The following HSPG2 variants were observed in gnomAD, a reference collection of about 807,000 sequenced individuals.
The protein encoded by HSPG2 is basement membrane-specific heparan sulfate proteoglycan core protein.
Under a neutral mutation model 526.6 loss-of-function variants are expected in HSPG2, and 278 were observed. The ratio of observed to expected loss-of-function variants is 0.53; its 90% CI spans 0.48 to 0.58. The LOEUF (loss-of-function observed/expected upper bound fraction) is 0.58. Among genes scored for constraint, HSPG2 ranks in the 20% least tolerant of loss-of-function variants. The pLI is 0.00. For missense variants in HSPG2, 5,354 were observed against 6,099.5 expected (o/e 0.88, Z 4.07); for synonymous variants, 2,465 against 2,555.4 (o/e 0.96, Z 1.07).
rs1300674081 is a variant in HSPG2 at position 21,828,482 on chromosome 1, T to A, written c.12238-56A>T. ...GGGGCCTGGGAGGCAGAGACCCAGG[T>A]GTACCAGCAGGGAGAAGAATGCAGC... On this transcript the variant is annotated intron_variant, in intron 88 of 96. Coordinates refer to ENST00000374695, the MANE Select transcript of HSPG2 (RefSeq NM_005529.7). This position sits in a 1 kb window ranked among gnomAD's most constrained non-coding sequence, Gnocchi z 6.0. The A allele has an allele frequency of 1.9e-6, 3 of 1,570,352 alleles. No homozygotes were observed. Among genetic ancestry groups the A allele is most frequent in the East Asian group, 2.2e-5 (1 of 44,564 alleles).
chr1:21,861,319 T>G (rs933265311), intron 39 of HSPG2, among the ~76,000 whole-genome samples: 4 of 152,074 alleles, frequency 2.6e-5, no homozygotes, highest in African/African-American at 9.7e-5. Context: ...GGGTGAAGAC[T>G]GTTCCATGCA....
Position 21,829,539 on chromosome 1 carries a change from T to C in HSPG2, c.11836A>G (p.Asn3946Asp). ...GSYLALPALT[N>D]THHELRLDVE... is the part of the protein sequence containing the mutation. ...TCCAGGCGTAGCTCGTGGTGTGTGTTGGTGAGGGCGGGCAGTGCCAGGTAG... is the reference window on the plus strand; with the variant it reads ...TCCAGGCGTAGCTCGTGGTGTGTGTCGGTGAGGGCGGGCAGTGCCAGGTAG... Residue 3946 changes from asparagine (N) to aspartate (D), a missense_variant, in exon 87 of 97, where the codon AAC (asparagine) becomes GAC (aspartate). Asn to Asp is a conservative substitution (Grantham distance 23). Transcript: ENST00000374695. The C allele has an allele frequency of 6.2e-7, 1 of 1,612,908 alleles. No individual in the cohort carries two copies. The highest frequency in any genetic ancestry group is 8.5e-7 in the Non-Finnish European group (1 of 1,179,748).
In HSPG2 at chr1:21,839,089, A is replaced by G. The variant is rs770388964; in HGVS notation, c.9890-4T>C. ...ACCGTGGTGGCATATGGTGGGCCTGAGTGGGGGGACACAGAGGTCAGGATT... is the reference window on the plus strand; with the variant it reads ...ACCGTGGTGGCATATGGTGGGCCTGGGTGGGGGGACACAGAGGTCAGGATT... On this transcript the variant is annotated splice_region_variant and splice_polypyrimidine_tract_variant and intron_variant, in intron 73 of 96. Coordinates refer to ENST00000374695, the MANE Select transcript of HSPG2 (RefSeq NM_005529.7). This position sits in a 1 kb window ranked among gnomAD's most constrained non-coding sequence, Gnocchi z 4.5. 3.2e-6 allele frequency: 5 copies of G among 1,575,854 alleles called. No individual in the cohort carries two copies. The highest frequency in any genetic ancestry group is 3.5e-6 in the Non-Finnish European group (4 of 1,156,316).
chr1:21,824,835 C>T lies in HSPG2; in HGVS notation c.12590-56G>A, dbSNP rs954499252. ...TGCTGCATCAGGCATCAAAATCCCC[C>T]GTCAGTTCCCCTGACCCCCACCTCC... On this transcript the variant is annotated intron_variant, in intron 91 of 96. Coordinates refer to ENST00000374695, the MANE Select transcript of HSPG2 (RefSeq NM_005529.7). The surrounding 1 kb of genome is among the most constrained non-coding windows in gnomAD (Gnocchi z 5.9). The T allele has an allele frequency of 1.5e-5, 23 of 1,496,468 alleles. No homozygotes were observed. Among genetic ancestry groups the T allele is most frequent in the African/African-American group, 1.2e-4 (9 of 72,226 alleles). The allele number at this position is 1,496,468 out of a possible 1,614,324, so 92.7% of individuals were successfully genotyped here. A position where few individuals can be genotyped will look rare whatever the true frequency, so the allele number is the denominator to read the frequency against.
chr1:21,875,779 CT>C, intron 24 of HSPG2, 32 bp from the exon 25 acceptor site: 3 of 1,606,522 alleles, frequency 1.9e-6, no homozygotes, highest in Non-Finnish European at 2.5e-6. Flanking sequence ...TGCTCAGCCC[CT>C]GACGTCCTGG....
chr1:21,897,524 C>G (rs1320393506), intron 1 of HSPG2, among the ~76,000 whole-genome samples: 1 of 152,168 alleles, frequency 6.6e-6, no homozygotes, highest in Admixed American at 6.5e-5. Flanking sequence ...CCCTTCCTCT[C>G]TTTGTTTCTC....
At chr1:21,908,452 G>A (rs968683920) in intron 1 of HSPG2, 4 of 855,792 alleles carry the variant, frequency 4.7e-6, no homozygotes, top group Non-Finnish European at 8.0e-6. Flanking sequence ...AAAGAGAGAA[G>A]CCAAAGAGAA....
At chr1:21,919,670 CAT>C (rs149478819) in intron 1 of HSPG2, among the ~76,000 whole-genome samples, 2,076 of 152,240 alleles carry the variant, frequency 0.014, 51 homozygotes, top group African/African-American at 0.046. Context: ...TTAACGAGCA[CAT>C]GAGTCACTTG....
In HSPG2 at chr1:21,829,068, G is replaced by A; in HGVS notation, c.12004C>T (p.Leu4002=). The stretch of plus-strand genomic sequence containing the variant: ...AGGGCCAGCGGCTCGGCGCTCCGCA[G>A]AACGGCCAGCCCTGGGGAGGATGCC... ...RYELGSGLAV[L]RSAEPLALGR... is the part of the protein sequence containing the mutation. The change falls in exon 88 of 97, where the codon CTG becomes TTG. Residue 4002 remains leucine (L), a synonymous_variant. Transcript: ENST00000374695. 6.5e-7 allele frequency: 1 copy of A among 1,540,970 alleles called. No individual in the cohort carries two copies. The highest frequency in any genetic ancestry group is 1.4e-5 in the African/African-American group (1 of 73,110).
intron 1 of HSPG2, among the ~76,000 whole-genome samples, chr1:21,919,733 A>T (rs1006219232): frequency 2.0e-5 from 3 of 152,148 alleles, no homozygotes; most frequent in African/African-American, 7.2e-5. Context: ...AGGGGGCCTG[A>T]AACTCTGCAT....
chr1:21,823,013 G>A lies in HSPG2; in HGVS notation c.*303C>T, dbSNP rs1206633022. The A allele has an allele frequency of 1.1e-5, 3 of 283,390 alleles. No individual in the cohort carries two copies. The highest frequency in any genetic ancestry group is 2.0e-5 in the Non-Finnish European group (3 of 152,746). 17.6% of individuals were successfully genotyped at this position (283,390 alleles called of 1,614,324 possible). On this transcript the variant is annotated 3_prime_UTR_variant, in exon 97 of 97. Transcript: ENST00000374695. ...CCCAGCTCTATCTGGGGGCTCCATC[G>A]GTGGGTAGGGGGACAGTGGGGGCAG...
In HSPG2 at chr1:21,898,384, C is replaced by G. The variant is rs76305492; in HGVS notation, c.64-2074G>C. 0.06 allele frequency among the ~76,000 whole-genome samples: 9,179 copies of G among 152,322 alleles called. 320 individuals are homozygous for G. Among genetic ancestry groups the G allele is most frequent in the Middle Eastern group, 0.13 (38 of 294 alleles). On this transcript the variant is annotated intron_variant, in intron 1 of 96. Transcript: ENST00000374695. The surrounding 1 kb of genome is among the most constrained non-coding windows in gnomAD (Gnocchi z 4.0). ...TTCCTTCTCCTCTCCCTGCCCTCTC[C>G]CTGTCCTCCTGAGTGCTGGCCTGTG...
chr1:21,890,200 T>C lies in HSPG2; in HGVS notation c.414-59A>G. On this transcript the variant is annotated intron_variant, in intron 5 of 96. Transcript: ENST00000374695. The surrounding 1 kb of genome is among the most constrained non-coding windows in gnomAD (Gnocchi z 4.1). Reference sequence around the variant, plus strand: ...GCGAGACACCTGTGTTCTCAGCTCCTCCATGAGGCTCCCGCCCCGACGCTC... The same window carrying C: ...GCGAGACACCTGTGTTCTCAGCTCCCCCATGAGGCTCCCGCCCCGACGCTC... The C allele has an allele frequency of 1.9e-6, 3 of 1,594,374 alleles. No individual in the cohort carries two copies. The highest frequency in any genetic ancestry group is 1.7e-6 in the Non-Finnish European group (2 of 1,163,898).
intron 1 of HSPG2, among the ~76,000 whole-genome samples, chr1:21,899,438 T>G (rs1048626129): frequency 6.6e-6 from 1 of 152,084 alleles, no homozygotes; most frequent in African/African-American, 2.4e-5. Flanking sequence ...CAGGCACTCC[T>G]AAACCAGGTT....
Position 21,879,127 on chromosome 1 carries a change from A to G in HSPG2, c.2344-6T>C. 1 of 1,614,160 alleles carries G rather than the reference A, an allele frequency of 6.2e-7. No individual in the cohort carries two copies. Among genetic ancestry groups the G allele is most frequent in the Non-Finnish European group, 8.5e-7 (1 of 1,180,030 alleles). ...TCCGTGTTGTGCTGGCAATTCTAGA[A>G]GAAGGAGGAGGGTATGGCTCAACTT... is the stretch of plus-strand genomic sequence containing the variant. On this transcript the variant is annotated splice_region_variant and splice_polypyrimidine_tract_variant and intron_variant, in intron 17 of 96. Coordinates refer to ENST00000374695, the MANE Select transcript of HSPG2 (RefSeq NM_005529.7).
At chr1:21,921,245 C>T (rs1038145724) in intron 1 of HSPG2, among the ~76,000 whole-genome samples, 1 of 152,168 alleles carries the variant, frequency 6.6e-6, no homozygotes, top group Admixed American at 6.6e-5. Flanking sequence ...GGAAGCCAAG[C>T]TCAGCTGCCC....
At chr1:21,862,433 A>C (rs150452025) in intron 37 of HSPG2, among the ~76,000 whole-genome samples, 18 of 151,944 alleles carry the variant, frequency 1.2e-4, no homozygotes, top group African/African-American at 3.9e-4. Flanking sequence ...CAAATACAAA[A>C]ATTAGCTGGG....
chr1:21,852,696 T>G lies in HSPG2; in HGVS notation c.6724+4A>C. On this transcript the variant is annotated splice_donor_region_variant and intron_variant, in intron 52 of 96. Transcript: ENST00000374695. ...AGCTTTCCATGTCACTGGGAGTCAC[T>G]CACCAGGGATGACAGAGGCTTCGAT... 3 of 1,613,318 alleles carry G rather than the reference T, an allele frequency of 1.9e-6. No individual in the cohort carries two copies. Among genetic ancestry groups the G allele is most frequent in the Non-Finnish European group, 2.5e-6 (3 of 1,179,998 alleles).
intron 1 of HSPG2, among the ~76,000 whole-genome samples, chr1:21,927,495 G>A (rs1009453794): frequency 2.0e-5 from 3 of 149,420 alleles, no homozygotes; most frequent in East Asian, 4.0e-4. Context: ...GTAGGCCAGG[G>A]GGGGACAGGG....
Sources: allele counts gnomAD v4.1 joint callset (sites outside exome capture counted in the v4.1 genomes callset), GRCh38; gene constraint gnomAD v4.1.1; non-coding constraint Gnocchi (gnomAD v3.1); transcripts MANE v1.5; gene names NCBI Gene and HGNC (gene_info 2026-07-23, HGNC 2026-07-21).